Variants in TBC1D5 observed in about 807,000 individuals in gnomAD.
TBC1D5 encodes TBC1 domain family, member 5.
TBC1D5 carries 75 observed loss-of-function variants against 100.3 expected under a neutral mutation model. That is an observed-to-expected ratio of 0.75 (90% confidence interval 0.62 to 0.91). The LOEUF is 0.91. Ranked by LOEUF, TBC1D5 falls within the 40% of genes least tolerant of loss-of-function variation. The pLI, the probability that TBC1D5 is intolerant of heterozygous loss-of-function variation, is 0.00. For synonymous variants in TBC1D5, 323 were observed against 325.6 expected, an observed-to-expected ratio of 0.99 and a Z score of 0.09; for missense variants, 910 against 942.4, an observed-to-expected ratio of 0.97 and a Z score of 0.45.
intron 15 of TBC1D5, among the ~76,000 whole-genome samples, chr3:17,288,134 G>A (rs957817748): frequency 6.6e-6 from 1 of 152,184 alleles, no homozygotes; most frequent in Non-Finnish European, 1.5e-5. Flanking sequence ...ATAGGCAGGT[G>A]TACTAGTACC....
intron 18 of TBC1D5, among the ~76,000 whole-genome samples, chr3:17,187,329 A>G (rs879385388): frequency 6.6e-6 from 1 of 152,216 alleles, no homozygotes; most frequent in Admixed American, 6.5e-5. Flanking sequence ...TTCTGCTTTC[A>G]TTAGAAGCTA....
At chr3:17,710,854 C>T (rs1012490772) in intron 1 of TBC1D5, among the ~76,000 whole-genome samples, 1 of 151,964 alleles carries the variant, frequency 6.6e-6, no homozygotes, top group Non-Finnish European at 1.5e-5. Context: ...TGCGTCACCA[C>T]GCCCAGCTAA....
intron 1 of TBC1D5, among the ~76,000 whole-genome samples, chr3:17,645,135 A>G (rs79427219): frequency 0.011 from 1,610 of 152,256 alleles, 33 homozygotes; most frequent in African/African-American, 0.038. Flanking sequence ...GAATACTGCT[A>G]GCCTATGCTT....
At chr3:17,178,627 C>A (rs973348402) in intron 19 of TBC1D5, among the ~76,000 whole-genome samples, 18 of 152,186 alleles carry the variant, frequency 1.2e-4, no homozygotes, top group African/African-American at 3.9e-4. Context: ...TATGTTCCCA[C>A]CAACAATGAA....
chr3:17,608,127 C>T (rs1001419984), intron 2 of TBC1D5, among the ~76,000 whole-genome samples: 64 of 152,014 alleles, frequency 4.2e-4, no homozygotes, highest in African/African-American at 1.5e-3. Context: ...CATGGTGGCG[C>T]GTGCCTGTAA....
chr3:17,646,880 A>C (rs1057275039), intron 1 of TBC1D5: 21 of 151,626 alleles, frequency 1.4e-4, no homozygotes, highest in African/African-American at 4.1e-4. Context: ...GTAATTTCTC[A>C]ACCCTCCCCT....
At chr3:17,515,426 A>T (rs1018975134) in intron 2 of TBC1D5, among the ~76,000 whole-genome samples, 9 of 152,212 alleles carry the variant, frequency 5.9e-5, no homozygotes, top group African/African-American at 1.9e-4. Context: ...AACACATAGC[A>T]CTTATTGGGA....
chr3:17,374,944 C>G (rs745654146), intron 10 of TBC1D5, among the ~76,000 whole-genome samples: 1 of 152,112 alleles, frequency 6.6e-6, no homozygotes, highest in Non-Finnish European at 1.5e-5. Flanking sequence ...ACAATATATT[C>G]CTTGACTATG....
intron 2 of TBC1D5, among the ~76,000 whole-genome samples, chr3:17,582,487 A>G (rs2096704886): frequency 6.6e-6 from 1 of 152,208 alleles, no homozygotes; most frequent in African/African-American, 2.4e-5. Flanking sequence ...CGGGATATAA[A>G]AAACAGTACA....
At chr3:17,195,321 T>G (rs2070504759) in intron 18 of TBC1D5, among the ~76,000 whole-genome samples, 1 of 152,220 alleles carries the variant, frequency 6.6e-6, no homozygotes, top group Non-Finnish European at 1.5e-5. Flanking sequence ...CAGATGTTAC[T>G]CTACTTAACA....
chr3:17,638,286 A>T (rs1000849393), intron 1 of TBC1D5, among the ~76,000 whole-genome samples: 19 of 152,032 alleles, frequency 1.2e-4, no homozygotes, highest in African/African-American at 4.6e-4. Flanking sequence ...TCAATTCCAA[A>T]AATTACCCCA....
intron 1 of TBC1D5, among the ~76,000 whole-genome samples, chr3:17,714,393 C>T (rs2075042959): frequency 6.6e-6 from 1 of 152,144 alleles, no homozygotes; most frequent in African/African-American, 2.4e-5. Context: ...CTATAACATG[C>T]ATCATCAGAA....
intron 1 of TBC1D5, among the ~76,000 whole-genome samples, chr3:17,686,883 A>C (rs1166380671): frequency 6.6e-6 from 1 of 152,152 alleles, no homozygotes; most frequent in Non-Finnish European, 1.5e-5. Context: ...GATGGCTCCT[A>C]CAACAAGGAA....
At chr3:17,225,624 A>T (rs2074802479) in intron 17 of TBC1D5, among the ~76,000 whole-genome samples, 1 of 152,110 alleles carries the variant, frequency 6.6e-6, no homozygotes, top group Admixed American at 6.5e-5. Flanking sequence ...CAACATAGTG[A>T]GAACCAAACT....
At chr3:17,589,417 G>T (rs890073184) in intron 2 of TBC1D5, among the ~76,000 whole-genome samples, 2 of 152,216 alleles carry the variant, frequency 1.3e-5, no homozygotes, top group African/African-American at 4.8e-5. Context: ...GGGACCTAGT[G>T]TGAGGTAACT....
chr3:17,347,526 A>G (rs572577679), intron 13 of TBC1D5, among the ~76,000 whole-genome samples: 1 of 152,294 alleles, frequency 6.6e-6, no homozygotes, highest in African/African-American at 2.4e-5. Flanking sequence ...ACCTAAAATC[A>G]TAAGCCTAAA....
At chr3:17,280,330 G>C (rs1160469062) in intron 15 of TBC1D5, among the ~76,000 whole-genome samples, 6 of 152,040 alleles carry the variant, frequency 3.9e-5, no homozygotes, top group African/African-American at 1.5e-4. Context: ...GACAGAAGAG[G>C]GCAGGTCCCT....
intron 1 of TBC1D5, among the ~76,000 whole-genome samples, chr3:17,701,246 A>G (rs4444738): frequency 0.57 from 86,848 of 151,790 alleles, 25,706 homozygotes; most frequent in East Asian, 0.99. Context: ...ACCAAATACC[A>G]CATGTTCTCA....
At chr3:17,212,073 G>T (rs1195041245) in intron 18 of TBC1D5, among the ~76,000 whole-genome samples, 1 of 152,102 alleles carries the variant, frequency 6.6e-6, no homozygotes, top group African/African-American at 2.4e-5. Context: ...TCTCTCAAAG[G>T]TTAATAGTTT....
Sources: allele counts gnomAD v4.1 joint callset (sites outside exome capture counted in the v4.1 genomes callset), GRCh38; gene constraint gnomAD v4.1.1; transcripts MANE v1.5; gene names NCBI Gene and HGNC (gene_info 2026-07-23, HGNC 2026-07-21).